Variants in PRKN observed in about 807,000 individuals in gnomAD.
The protein encoded by PRKN is E3 ubiquitin-protein ligase parkin.
PRKN carries 56 observed loss-of-function variants against 59.5 expected under a neutral mutation model. That is an observed-to-expected ratio of 0.94 (90% CI 0.76 to 1.18). The LOEUF (loss-of-function observed/expected upper bound fraction) is 1.18. PRKN is among the 50% of genes most tolerant of loss of function. The pLI, the probability that PRKN is intolerant of heterozygous loss-of-function variation, is 0.00. For missense variants in PRKN, 657 were observed against 596.4 expected, an observed-to-expected ratio of 1.10 and a Z score of -1.06; for synonymous variants, 250 against 222.1, an observed-to-expected ratio of 1.13 and a Z score of -1.12.
chr6:162,501,727 G>T (rs1309768567), intron 1 of PRKN, among the ~76,000 whole-genome samples: 1 of 151,974 alleles, frequency 6.6e-6, no homozygotes, highest in African/African-American at 2.4e-5. Context: ...GACACTGCAG[G>T]CCATCTCAAA....
chr6:162,199,216 TAAA>T (rs34978700), intron 4 of PRKN, among the ~76,000 whole-genome samples: 2 of 145,770 alleles, frequency 1.4e-5, no homozygotes. Context: ...ATCTGTGTGT[TAAA>T]AAAAAAAAAA....
intron 8 of PRKN, among the ~76,000 whole-genome samples, chr6:161,567,871 G>A (rs376170595): frequency 2.4e-3 from 370 of 152,298 alleles, no homozygotes; most frequent in African/African-American, 8.3e-3. Context: ...AACAACCAGT[G>A]ATTCTTGCTT....
chr6:162,299,133 G>C (rs996216795), intron 2 of PRKN, among the ~76,000 whole-genome samples: 6 of 152,212 alleles, frequency 3.9e-5, no homozygotes, highest in African/African-American at 1.2e-4. Context: ...AGAGCTGCTG[G>C]AACACATCTC....
chr6:161,511,927 C>CG (rs1053618992), intron 9 of PRKN, among the ~76,000 whole-genome samples: 3 of 152,178 alleles, frequency 2.0e-5, no homozygotes, highest in Non-Finnish European at 4.4e-5. Flanking sequence ...TTACGATCCG[C>CG]GGGAAGGCTA....
At chr6:162,165,149 C>T (rs916111690) in intron 4 of PRKN, among the ~76,000 whole-genome samples, 1 of 148,662 alleles carries the variant, frequency 6.7e-6, no homozygotes, top group Admixed American at 6.7e-5. Flanking sequence ...ATATAGATAT[C>T]CATACCTCAC....
At chr6:161,420,545 G>A (rs1397071658) in intron 9 of PRKN, among the ~76,000 whole-genome samples, 1 of 151,394 alleles carries the variant, frequency 6.6e-6, no homozygotes, top group Non-Finnish European at 1.5e-5. Context: ...ACAGGATTCT[G>A]CTCTGTCACC....
At chr6:162,012,912 G>A (rs1214400860) in intron 5 of PRKN, among the ~76,000 whole-genome samples, 1 of 152,082 alleles carries the variant, frequency 6.6e-6, no homozygotes, top group African/African-American at 2.4e-5. Flanking sequence ...TTTGGTTCAG[G>A]TGGTTCCTGC....
intron 6 of PRKN, among the ~76,000 whole-genome samples, chr6:161,960,510 CA>C (rs1001048784): frequency 3.3e-5 from 5 of 152,168 alleles, no homozygotes; most frequent in African/African-American, 9.7e-5. Context: ...CCTACATAGT[CA>C]CACATGTCTA....
At chr6:161,375,339 G>GCC (rs1785650914) in intron 10 of PRKN, among the ~76,000 whole-genome samples, 1 of 152,182 alleles carries the variant, frequency 6.6e-6, no homozygotes, top group African/African-American at 2.4e-5. Flanking sequence ...GAGAGCCCCA[G>GCC]CCCCAGGTCT....
Position 162,122,548 on chromosome 6 carries a change from T to G in PRKN, c.535-68374A>C, listed in dbSNP as rs539862439. On this transcript the variant is annotated intron_variant, in intron 4 of 11. Transcript: ENST00000366898. ...ACACACATGCTTCAGAACAATGAAC[T>G]CATTTTGCTGCAAAGGAAGTATGGC... Among the ~76,000 whole-genome samples, 3 of 152,286 alleles carry G rather than the reference T, an allele frequency of 2.0e-5. No homozygotes were observed. The South Asian group carries it at 6.2e-4, about 32-fold the overall frequency.
chr6:161,832,503 A>G (rs1485944404), intron 6 of PRKN, among the ~76,000 whole-genome samples: 2 of 151,542 alleles, frequency 1.3e-5, no homozygotes, highest in African/African-American at 4.9e-5. Context: ...ATGTGCCTAT[A>G]GTCTCAGCTA....
At chr6:161,991,800 A>C (rs2128258632) in intron 5 of PRKN, among the ~76,000 whole-genome samples, 1 of 152,170 alleles carries the variant, frequency 6.6e-6, no homozygotes, top group East Asian at 1.9e-4. Context: ...CCAAGAGCAC[A>C]CCACTGCACT....
chr6:161,483,431 A>G lies in PRKN; in HGVS notation c.1083+65423T>C, dbSNP rs2115248928. On this transcript the variant is annotated intron_variant, in intron 9 of 11. Coordinates refer to ENST00000366898, the MANE Select transcript of PRKN (RefSeq NM_004562.3). This position sits in a 1 kb window ranked among gnomAD's most constrained non-coding sequence, Gnocchi z 5.0. Reference sequence around the variant, plus strand: ...TCATGCGTAAGTGCTAATTAGCCCCAGGATGCTTGCCTTCATGAACTTTCA... The same window carrying G: ...TCATGCGTAAGTGCTAATTAGCCCCGGGATGCTTGCCTTCATGAACTTTCA... Among the ~76,000 whole-genome samples the G allele has an allele frequency of 6.6e-6, 1 of 152,322 alleles. No individual in the cohort carries two copies. The highest frequency in any genetic ancestry group is 2.1e-4 in the South Asian group (1 of 4,830).
intron 3 of PRKN, among the ~76,000 whole-genome samples, chr6:162,215,307 A>G (rs1777594810): frequency 6.6e-6 from 1 of 152,208 alleles, no homozygotes; most frequent in South Asian, 2.1e-4. Context: ...CCAAATAACT[A>G]GACTTGAAAC....
At chr6:162,027,761 A>T (rs1199234448) in intron 5 of PRKN, among the ~76,000 whole-genome samples, 1 of 151,984 alleles carries the variant, frequency 6.6e-6, no homozygotes, top group African/African-American at 2.4e-5. Context: ...GCTTATTTCT[A>T]TATTCACAGA....
At chr6:162,556,381 G>C (rs1779595175) in intron 1 of PRKN, among the ~76,000 whole-genome samples, 1 of 145,498 alleles carries the variant, frequency 6.9e-6, no homozygotes, top group African/African-American at 2.5e-5. Flanking sequence ...GTGTGTGTGT[G>C]TGTGTGTGTG....
At chr6:161,693,221 A>G (rs914582051) in intron 7 of PRKN, among the ~76,000 whole-genome samples, 32 of 152,204 alleles carry the variant, frequency 2.1e-4, no homozygotes, top group South Asian at 4.1e-4. Flanking sequence ...AATGGCACAC[A>G]GGGCAATACC....
rs909138560 is a variant in PRKN at position 161,362,907 on chromosome 6, A to C, written c.1168-2702T>G. On this transcript the variant is annotated intron_variant, in intron 10 of 11. Coordinates refer to ENST00000366898, the MANE Select transcript of PRKN (RefSeq NM_004562.3). This position sits in a 1 kb window ranked among gnomAD's most constrained non-coding sequence, Gnocchi z 5.2. ...AAAGTCACAGAATTACAGAAACTAC[A>C]GAATCTAACCAGCAAAGGTTGTAGA... is the stretch of plus-strand genomic sequence containing the variant. 6.6e-6 allele frequency among the ~76,000 whole-genome samples: 1 copy of C among 152,246 alleles called. No homozygotes were observed. Among genetic ancestry groups the C allele is most frequent in the African/African-American group, 2.4e-5 (1 of 41,452 alleles).
chr6:161,653,526 A>G (rs892054850), intron 7 of PRKN, among the ~76,000 whole-genome samples: 1 of 152,182 alleles, frequency 6.6e-6, no homozygotes, highest in Non-Finnish European at 1.5e-5. Flanking sequence ...AAATGCTCCC[A>G]GTAAATATCA....
Sources: gnomAD v4.1 joint callset for allele counts (sites outside exome capture counted in the v4.1 genomes callset) on GRCh38, gnomAD v4.1.1 for gene constraint, Gnocchi (gnomAD v3.1) non-coding constraint, MANE v1.5 for transcripts, NCBI Gene and HGNC (gene_info 2026-07-23, HGNC 2026-07-21) for gene names.